The following ADNP variants were observed in gnomAD, a reference collection of about 807,000 sequenced individuals.
ADNP encodes the protein activity dependent neuroprotector homeobox, also known as activity-dependent neuroprotector homeobox protein.
Under a neutral mutation model 84.9 loss-of-function variants are expected in ADNP, and 4 were observed. The ratio of observed to expected loss-of-function variants is 0.05; its 90% CI spans 0.02 to 0.11. ADNP has a LOEUF of 0.11. ADNP is among the 10% of genes least tolerant of loss of function. The pLI is 1.00. For missense variants in ADNP, 1,132 were observed against 1,326.0 expected, an observed-to-expected ratio of 0.85 and a Z score of 2.27; for synonymous variants, 554 against 468.1, an observed-to-expected ratio of 1.18 and a Z score of -2.37.
At chr20:50,898,274 T>C (rs574315669) in intron 5 of ADNP, among the ~76,000 whole-genome samples, 1 of 152,286 alleles carries the variant, frequency 6.6e-6, no homozygotes, top group East Asian at 1.9e-4. Context: ...TGAATAACGA[T>C]TCTTGAATTG....
At chr20:50,913,246 G>GTC (rs1180886299) in intron 2 of ADNP, among the ~76,000 whole-genome samples, 1 of 30,356 alleles carries the variant, frequency 3.3e-5, no homozygotes, top group Non-Finnish European at 6.9e-5. Context: ...GTGAGACTCT[G>GTC]TCTCAAAAAA....
chr20:50,892,061 C>T lies in ADNP; in HGVS notation c.2653G>A (p.Glu885Lys), dbSNP rs770494195. The part of the protein sequence containing the change: ...SSDSFENLEE[E>K]SNESGSPFDP... ...AAAGGGCTACCACTTTCATTGGATT[C>T]TTCTTCCAAATTTTCAAAACTGTCT... The change falls in exon 6 of 6, where the codon GAA becomes AAA. Residue 885 changes from glutamate to lysine, a missense_variant. Glu to Lys is a moderately conservative substitution (Grantham distance 56, BLOSUM62 1). Coordinates refer to ENST00000621696, the MANE Select transcript of ADNP (RefSeq NM_001282531.3). 2 of 1,614,160 alleles carry T rather than the reference C, an allele frequency of 1.2e-6. No homozygotes were observed. Among genetic ancestry groups the T allele is most frequent in the South Asian group, 2.2e-5 (2 of 91,074 alleles).
intron 2 of ADNP, among the ~76,000 whole-genome samples, chr20:50,928,308 C>G (rs370887391): frequency 1.6e-3 from 245 of 152,244 alleles, no homozygotes; most frequent in African/African-American, 5.7e-3. Context: ...CATGGAAAAC[C>G]ATGTTTTCAT....
chr20:50,910,244 A>G (rs1049983333), intron 2 of ADNP, among the ~76,000 whole-genome samples: 3 of 152,234 alleles, frequency 2.0e-5, no homozygotes, highest in African/African-American at 7.2e-5. Flanking sequence ...ACTATATGAG[A>G]AGAGTTAAAC....
chr20:50,900,660 C>T (rs551586145), intron 5 of ADNP, among the ~76,000 whole-genome samples: 9 of 152,186 alleles, frequency 5.9e-5, no homozygotes, highest in East Asian at 1.9e-4. Flanking sequence ...TGAATGACTG[C>T]GGTAAAATTC....
At chr20:50,910,101 G>C (rs1982892640) in intron 2 of ADNP, among the ~76,000 whole-genome samples, 1 of 152,076 alleles carries the variant, frequency 6.6e-6, no homozygotes. Context: ...TAAATAAGAG[G>C]GAAGATAGGG....
chr20:50,892,369 G>T lies in ADNP; in HGVS notation c.2345C>A (p.Thr782Asn). The change falls in exon 6 of 6, where the codon ACC becomes AAC. Residue 782 changes from threonine (T) to asparagine (N), a missense_variant. Around this residue, in one of 10 missense-constraint regions of ADNP, gnomAD observed 41 missense variants for 78.4 expected, o/e 0.52. Coordinates refer to ENST00000621696, the MANE Select transcript of ADNP (RefSeq NM_001282531.3). ...TKYFNKQPYP[T>N]RREIEKLAAS... The stretch of plus-strand genomic sequence containing the variant: ...TGCTAGCTTCTCAATTTCTCTCCTG[G>T]TGGGATAGGGCTGTTTGTTGAAATA... 2.5e-6 allele frequency: 4 copies of T among 1,614,132 alleles called. No individual in the cohort carries two copies. The highest frequency in any genetic ancestry group is 3.4e-6 in the Non-Finnish European group (4 of 1,180,044).
At chr20:50,908,167 T>TG (rs1982677991) in intron 2 of ADNP, among the ~76,000 whole-genome samples, 1 of 111,866 alleles carries the variant, frequency 8.9e-6, no homozygotes, top group Non-Finnish European at 1.8e-5. Context: ...TTTTTTTTTT[T>TG]GCTTTAAATA....
Position 50,892,700 on chromosome 20 carries a change from T to C in ADNP, c.2014A>G (p.Thr672Ala). Residue 672 changes from threonine to alanine, a missense_variant, in exon 6 of 6, where the codon ACC becomes GCC. By Grantham distance (58) the Thr-to-Ala change is moderately conservative (BLOSUM62 0). Transcript: ENST00000621696. Reference protein sequence around the residue: ...YKCIHCLGVYTSNMTASTITL... With the variant: ...YKCIHCLGVYASNMTASTITL... ...ATAGTTGAGGCGGTCATGTTGCTGG[T>C]ATACACACCAAGGCAATGGATACAT... The C allele has an allele frequency of 6.2e-7, 1 of 1,614,210 alleles. No homozygotes were observed.
Position 50,893,427 on chromosome 20 carries a change from A to T in ADNP, c.1287T>A (p.Ala429=). ...RVLGQSSSKP[A]AAATGPPPGN... ...CTGGGGGAGGGCCTGTGGCAGCTGC[A>T]GCAGGTTTGGAACTGGACTGACCTA... The change falls in exon 6 of 6, where the codon GCT becomes GCA. Residue 429 remains alanine (A), a synonymous_variant. Transcript: ENST00000621696. The surrounding 1 kb of genome is among the most constrained non-coding windows in gnomAD (Gnocchi z 4.4). The T allele has an allele frequency of 6.2e-7, 1 of 1,614,200 alleles. No individual in the cohort carries two copies. Among genetic ancestry groups the T allele is most frequent in the Non-Finnish European group, 8.5e-7 (1 of 1,180,024 alleles).
intron 1 of ADNP, among the ~76,000 whole-genome samples, chr20:50,930,218 G>A (rs1376866223): frequency 6.6e-6 from 1 of 152,222 alleles, no homozygotes; most frequent in Non-Finnish European, 1.5e-5. Flanking sequence ...AAGAGGTGCT[G>A]ACCAGGCAGC....
chr20:50,906,442 G>C (rs1982483798), intron 2 of ADNP, among the ~76,000 whole-genome samples: 1 of 152,152 alleles, frequency 6.6e-6, no homozygotes, highest in African/African-American at 2.4e-5. Flanking sequence ...GGAACTTCCT[G>C]AGTTAACTCT....
At chr20:50,900,101 CCACT>C (rs1386745337) in intron 5 of ADNP, among the ~76,000 whole-genome samples, 6 of 152,230 alleles carry the variant, frequency 3.9e-5, no homozygotes, top group South Asian at 2.1e-4. Flanking sequence ...TATTCAGTCA[CCACT>C]CAGAGCAACT....
At chr20:50,927,148 CTTATT>C (rs911401215) in intron 2 of ADNP, among the ~76,000 whole-genome samples, 2 of 152,050 alleles carry the variant, frequency 1.3e-5, no homozygotes, top group Admixed American at 6.6e-5. Flanking sequence ...TTGTGAAGTT[CTTATT>C]TTAATATAAA....
Position 50,897,147 on chromosome 20 carries a change from G to A in ADNP, c.202-2635C>T, listed in dbSNP as rs555001683. ...GTAGAGACGGGGTTTCACCATGTCG[G>A]CCAGGCTGGTCTTGAACTCCTGACC... On this transcript the variant is annotated intron_variant, in intron 5 of 5. Transcript: ENST00000621696. Among the ~76,000 whole-genome samples, 8 of 152,096 alleles carry A rather than the reference G, an allele frequency of 5.3e-5. No homozygotes were observed. In the East Asian group the frequency reaches 1.4e-3, roughly 26 times the overall value.
intron 2 of ADNP, among the ~76,000 whole-genome samples, chr20:50,919,913 G>C (rs1322708677): frequency 1.3e-5 from 2 of 152,286 alleles, no homozygotes; most frequent in East Asian, 3.9e-4. Flanking sequence ...CTGCTGCCAT[G>C]TCTGGTAGGC....
At position 50,890,017 on chromosome 20, in the gene ADNP, T is replaced by C. The variant is rs1000194579; in HGVS notation, c.*1388A>G. ...TATTAAGATTCTGCTTGCAAATTAA[T>C]GCCAATCCATGTTTACATTTTTTTT... On this transcript the variant is annotated 3_prime_UTR_variant, in exon 6 of 6. Transcript: ENST00000621696. 19 of 375,614 alleles carry C rather than the reference T, an allele frequency of 5.1e-5. No homozygotes were observed. Among genetic ancestry groups the C allele is most frequent in the African/African-American group, 4.8e-4 (19 of 39,232 alleles). 23.3% of individuals were successfully genotyped at this position (375,614 alleles called of 1,614,324 possible).
intron 3 of ADNP, chr20:50,904,211 T>TAAGAC: frequency 3.7e-6 from 2 of 546,684 alleles, no homozygotes; most frequent in Non-Finnish European, 6.6e-6. Context: ...TTCCTTTTCT[T>TAAGAC]AAGACAGAGT....
At chr20:50,925,338 A>G (rs1196945767) in intron 2 of ADNP, among the ~76,000 whole-genome samples, 6 of 151,952 alleles carry the variant, frequency 3.9e-5, no homozygotes, top group Non-Finnish European at 8.8e-5. Flanking sequence ...AAGCATGATA[A>G]TATGTGAGGA....
Sources: gnomAD v4.1 joint callset for allele counts (sites outside exome capture counted in the v4.1 genomes callset) on GRCh38, gnomAD v4.1.1 for gene constraint, gnomAD v4.1.1 regional missense constraint, Gnocchi (gnomAD v3.1) non-coding constraint, MANE v1.5 for transcripts, NCBI Gene and HGNC (gene_info 2026-07-23, HGNC 2026-07-21) for gene names.